Variants in C8A observed in about 807,000 individuals in gnomAD.
C8A encodes complement component C8 alpha chain.
In C8A, 67 loss-of-function variants were observed where a neutral mutation model predicts 65.3. The observed-to-expected ratio is 1.03, with a 90% CI of 0.84 to 1.26. The LOEUF is 1.26. C8A is among the 50% of genes most tolerant of loss of function. The pLI, the probability that C8A is intolerant of heterozygous loss-of-function variation, is 0.00. For synonymous variants in C8A, 290 were observed against 259.4 expected (o/e 1.12, Z -1.13); for missense variants, 781 against 723.9 (o/e 1.08, Z -0.90).
At chr1:56,863,823 C>T (rs1160664114) in intron 1 of C8A, among the ~76,000 whole-genome samples, 1 of 151,322 alleles carries the variant, frequency 6.6e-6, no homozygotes, top group East Asian at 2.0e-4. Flanking sequence ...TTTATTATTT[C>T]CCTTCCCTCC....
At chr1:56,900,972 G>A (rs1482468741) in intron 7 of C8A, among the ~76,000 whole-genome samples, 1 of 152,188 alleles carries the variant, frequency 6.6e-6, no homozygotes. Context: ...AAGGCTGTCT[G>A]GAGCTCAGTG....
At chr1:56,873,089 C>A (rs1247999984) in intron 2 of C8A, among the ~76,000 whole-genome samples, 1 of 152,122 alleles carries the variant, frequency 6.6e-6, no homozygotes, top group Admixed American at 6.6e-5. Flanking sequence ...AAAGGCAGGA[C>A]AGACCTATGG....
At chr1:56,901,869 A>G (rs934693138) in intron 7 of C8A, among the ~76,000 whole-genome samples, 6 of 151,954 alleles carry the variant, frequency 3.9e-5, no homozygotes, top group African/African-American at 1.5e-4. Context: ...CGCACACTAC[A>G]ATAATTATCT....
At chr1:56,870,260 T>C (rs1218919185) in intron 2 of C8A, among the ~76,000 whole-genome samples, 1 of 152,064 alleles carries the variant, frequency 6.6e-6, no homozygotes, top group East Asian at 1.9e-4. Flanking sequence ...TAGAAGGGAC[T>C]CTGTTACTAG....
At chr1:56,857,606 A>G (rs971598581) in intron 1 of C8A, among the ~76,000 whole-genome samples, 1 of 151,986 alleles carries the variant, frequency 6.6e-6, no homozygotes, top group Non-Finnish European at 1.5e-5. Context: ...TGATTATAGT[A>G]ATTAGACCAC....
At position 56,891,608 on chromosome 1, in the gene C8A, T is replaced by G. The variant is rs151212170; in HGVS notation, c.1096+5441T>G. ...ATGAAAGAATATGATAGATTTGGGA[T>G]GTATTTTGAAAGTAGAAATTAAGGA... On this transcript the variant is annotated intron_variant, in intron 7 of 10. Coordinates refer to ENST00000361249, the MANE Select transcript of C8A (RefSeq NM_000562.3). Among the ~76,000 whole-genome samples the G allele has an allele frequency of 2.7e-3, 416 of 152,250 alleles. 1 individual carries two copies. Among genetic ancestry groups the G allele is most frequent in the South Asian group, 8.9e-3 (43 of 4,822 alleles).
chr1:56,906,652 G>T lies in C8A; in HGVS notation c.1097-15G>T, dbSNP rs1427165035. On this transcript the variant is annotated splice_polypyrimidine_tract_variant and intron_variant, in intron 7 of 10. Transcript: ENST00000361249. ...ATAACTCAGCATTTTGTGTTTCTCT[G>T]TCTCCCTGTTGCAGGTATTACCAGC... The T allele has an allele frequency of 6.2e-7, 1 of 1,613,918 alleles. No homozygotes were observed. Among genetic ancestry groups the T allele is most frequent in the Non-Finnish European group, 8.5e-7 (1 of 1,179,860 alleles).
chr1:56,911,508 G>A (rs542833609), intron 9 of C8A, among the ~76,000 whole-genome samples: 9 of 152,272 alleles, frequency 5.9e-5, no homozygotes, highest in South Asian at 2.1e-4. Flanking sequence ...CTTCTCAGTC[G>A]AGGCAATTGT....
At chr1:56,873,694 G>A (rs923781629) in intron 2 of C8A, among the ~76,000 whole-genome samples, 7 of 152,106 alleles carry the variant, frequency 4.6e-5, no homozygotes, top group Admixed American at 6.6e-5. Flanking sequence ...ACATACTAAC[G>A]TTCTTAAAGG....
intron 2 of C8A, among the ~76,000 whole-genome samples, 196 bp downstream of exon 2, chr1:56,867,898 G>C (rs1314187459): frequency 6.6e-6 from 1 of 152,168 alleles, no homozygotes; most frequent in Non-Finnish European, 1.5e-5. Context: ...AGGTAGTGTT[G>C]AGTGAGGCTG....
intron 9 of C8A, 69 bp downstream of exon 9, chr1:56,908,182 T>G (rs1644482169): frequency 6.7e-7 from 1 of 1,492,104 alleles, no homozygotes; most frequent in Non-Finnish European, 9.3e-7. Context: ...CCAGATCATT[T>G]CATATTTCTT....
At position 56,876,054 on chromosome 1, in the gene C8A, C is replaced by A. The variant is rs761676057; in HGVS notation, c.317-8C>A. On this transcript the variant is annotated splice_region_variant and splice_polypyrimidine_tract_variant and intron_variant, in intron 3 of 10. Transcript: ENST00000361249. ...ACCCGAGGAGCAGCCACAGTCTCTT[C>A]TCTCCAGGTCGCTGCCTGAAACGCC... The A allele has an allele frequency of 2.5e-6, 4 of 1,613,020 alleles. No individual in the cohort carries two copies. The highest frequency in any genetic ancestry group is 1.7e-5 in the Admixed American group (1 of 59,922).
chr1:56,913,566 C>G (rs1341384834), intron 10 of C8A, among the ~76,000 whole-genome samples: 1 of 152,198 alleles, frequency 6.6e-6, no homozygotes, highest in Admixed American at 6.5e-5. Flanking sequence ...TCACATCTTT[C>G]TGGGGCTTAG....
chr1:56,885,443 AAT>A (rs570023066), intron 6 of C8A, among the ~76,000 whole-genome samples: 20,795 of 118,618 alleles, frequency 0.18, 2,683 homozygotes, highest in East Asian at 0.35. Context: ...TATTTAAGTA[AAT>A]ATATATATAT....
At chr1:56,856,720 A>G (rs1643980437) in intron 1 of C8A, among the ~76,000 whole-genome samples, 1 of 152,104 alleles carries the variant, frequency 6.6e-6, no homozygotes. Flanking sequence ...ATTTGTTGAG[A>G]AAAACATTTT....
chr1:56,881,534 G>A lies in C8A; in HGVS notation c.554G>A (p.Trp185Ter), dbSNP rs755874816. 7.4e-6 allele frequency: 12 copies of A among 1,613,646 alleles called. No individual in the cohort carries two copies. The highest frequency in any genetic ancestry group is 1.0e-5 in the Non-Finnish European group (12 of 1,179,762). ...GQCETVYNGE[W>*]RELRYDSTCE... ...TGTGAGACGGTATACAATGGGGAAT[G>A]GAGGGAGCTTCGATATGACTCCACC... Residue 185 changes from tryptophan (W) to a stop codon, truncating the protein, a stop_gained, in exon 5 of 11, where the codon TGG becomes TAG. Coordinates refer to ENST00000361249, the MANE Select transcript of C8A (RefSeq NM_000562.3). LOFTEE classifies it high-confidence loss of function.
At chr1:56,913,654 A>G (rs78187299) in intron 10 of C8A, among the ~76,000 whole-genome samples, 15,573 of 152,180 alleles carry the variant, frequency 0.1, 1,239 homozygotes, top group African/African-American at 0.22. Context: ...TCAGGCACAT[A>G]AAACTGTTTG....
intron 8 of C8A, among the ~76,000 whole-genome samples, chr1:56,907,037 A>T (rs749391700): frequency 6.6e-6 from 1 of 152,192 alleles, no homozygotes; most frequent in South Asian, 2.1e-4. Context: ...CAAGGGTTAG[A>T]CAAAGGTCCA....
In C8A at chr1:56,867,644, C is replaced by T; in HGVS notation, c.113C>T (p.Thr38Ile). 6.2e-7 allele frequency: 1 copy of T among 1,613,918 alleles called. No individual in the cohort carries two copies. Among genetic ancestry groups the T allele is most frequent in the African/African-American group, 1.3e-5 (1 of 75,028 alleles). ...VRRAATPAAVTCQLSNWSEWT... is the reference protein window; with the variant it reads ...VRRAATPAAVICQLSNWSEWT... Reference sequence around the variant, plus strand: ...CGGGCAGCTACACCCGCAGCAGTTACCTGCCAGCTGAGCAACTGGTCAGAG... The same window carrying T: ...CGGGCAGCTACACCCGCAGCAGTTATCTGCCAGCTGAGCAACTGGTCAGAG... Residue 38 changes from threonine to isoleucine, a missense_variant, in exon 2 of 11, where the codon ACC becomes ATC. Thr to Ile is a moderately conservative substitution (Grantham distance 89, BLOSUM62 -1). Transcript: ENST00000361249.
Sources: allele counts gnomAD v4.1 joint callset (sites outside exome capture counted in the v4.1 genomes callset), GRCh38; gene constraint gnomAD v4.1.1; transcripts MANE v1.5; gene names NCBI Gene and HGNC (gene_info 2026-07-23, HGNC 2026-07-21).